The following HSD17B12 variants were observed in gnomAD, a reference collection of about 807,000 sequenced individuals.
The protein encoded by HSD17B12 is hydroxysteroid 17-beta dehydrogenase 12.
A neutral mutation model predicts 39.3 loss-of-function variants in HSD17B12; 32 were observed. The observed-to-expected ratio is 0.81, with a 90% CI of 0.61 to 1.09. The LOEUF (loss-of-function observed/expected upper bound fraction) is 1.09. Among genes scored for constraint, HSD17B12 ranks in the 50% least tolerant of loss-of-function variants. The probability of loss-of-function intolerance (pLI) is 0.00; values close to 1 mark genes in which losing one functional copy is unlikely to be tolerated. For missense variants in HSD17B12, 342 were observed against 382.9 expected (o/e 0.89, Z 0.89); for synonymous variants, 150 against 146.7 (o/e 1.02, Z -0.16).
intron 1 of HSD17B12, among the ~76,000 whole-genome samples, chr11:43,716,846 G>C (rs1950128341): frequency 6.6e-6 from 1 of 151,332 alleles, no homozygotes; most frequent in Non-Finnish European, 1.5e-5. Context: ...AGTTTCCCAG[G>C]TGAAGGAGGC....
chr11:43,668,885 G>C, the HSD17B12 span, among the ~76,000 whole-genome samples: 38 of 151,982 alleles, frequency 2.5e-4, no homozygotes, highest in Middle Eastern at 3.4e-3. Flanking sequence ...TAGAGATGGA[G>C]TCTAGCTATG....
intron 1 of HSD17B12, among the ~76,000 whole-genome samples, chr11:43,695,410 C>G (rs1949901783): frequency 6.6e-6 from 1 of 151,966 alleles, no homozygotes; most frequent in Non-Finnish European, 1.5e-5. Context: ...GAAAACCGGT[C>G]TCTACTAAAA....
chr11:43,632,823 C>T, the HSD17B12 span, among the ~76,000 whole-genome samples: 8 of 152,002 alleles, frequency 5.3e-5, no homozygotes, highest in South Asian at 2.1e-4. Context: ...GTCTTTTAGA[C>T]GAGATTTGTA....
chr11:43,841,116 C>T (rs1951421574), intron 9 of HSD17B12, among the ~76,000 whole-genome samples: 1 of 152,062 alleles, frequency 6.6e-6, no homozygotes, highest in Non-Finnish European at 1.5e-5. Context: ...ATTTGCTTTT[C>T]CCTGATGATT....
intron 1 of HSD17B12, among the ~76,000 whole-genome samples, chr11:43,715,935 C>T (rs1950118727): frequency 6.6e-6 from 1 of 152,110 alleles, no homozygotes; most frequent in Admixed American, 6.6e-5. Flanking sequence ...AATTATGACT[C>T]TGATGGTGCA....
chr11:43,595,603 T>G, the HSD17B12 span, among the ~76,000 whole-genome samples: 1 of 152,262 alleles, frequency 6.6e-6, no homozygotes, highest in African/African-American at 2.4e-5. Flanking sequence ...TCAAGTGATC[T>G]TCAGCTGTAA....
At chr11:43,704,309 C>A (rs577593933) in intron 1 of HSD17B12, among the ~76,000 whole-genome samples, 1 of 152,298 alleles carries the variant, frequency 6.6e-6, no homozygotes, top group African/African-American at 2.4e-5. Flanking sequence ...TCTGCAACCT[C>A]TCAGGGTAGT....
the HSD17B12 span, among the ~76,000 whole-genome samples, chr11:43,658,890 T>C: frequency 6.6e-6 from 1 of 152,198 alleles, no homozygotes; most frequent in African/African-American, 2.4e-5. Context: ...TCAAGCTGCG[T>C]GCTGGGAGAA....
intron 1 of HSD17B12, among the ~76,000 whole-genome samples, chr11:43,685,873 G>T (rs945109146): frequency 6.6e-6 from 1 of 152,136 alleles, no homozygotes; most frequent in Non-Finnish European, 1.5e-5. Context: ...CCAAAAAAAG[G>T]CACAGTTTCA....
At chr11:43,615,441 G>A in the HSD17B12 span, among the ~76,000 whole-genome samples, 1 of 152,058 alleles carries the variant, frequency 6.6e-6, no homozygotes, top group Admixed American at 6.6e-5. Flanking sequence ...CATATTTCTG[G>A]AACTCTCTCT....
chr11:43,684,865 C>T (rs183807168), intron 1 of HSD17B12, among the ~76,000 whole-genome samples: 1 of 152,204 alleles, frequency 6.6e-6, no homozygotes, highest in Non-Finnish European at 1.5e-5. Flanking sequence ...CCCTGACCCC[C>T]ACCCGCTCCA....
chr11:43,751,106 A>C (rs1276764004), intron 2 of HSD17B12, 149 bp downstream of exon 2: 1 of 517,428 alleles, frequency 1.9e-6, no homozygotes, highest in African/African-American at 2.0e-5. Flanking sequence ...ACCTTGTTGG[A>C]AATACCATAT....
At chr11:43,688,221 A>G (rs2134773356) in intron 1 of HSD17B12, among the ~76,000 whole-genome samples, 1 of 152,258 alleles carries the variant, frequency 6.6e-6, no homozygotes, top group East Asian at 1.9e-4. Context: ...CAAAAAAAAA[A>G]AAAATTTAAT....
chr11:43,693,453 T>C (rs574793790), intron 1 of HSD17B12, among the ~76,000 whole-genome samples: 37 of 152,280 alleles, frequency 2.4e-4, no homozygotes, highest in African/African-American at 8.4e-4. Context: ...CCCTTAAGGA[T>C]GCCATTATGC....
chr11:43,640,655 G>C, the HSD17B12 span, among the ~76,000 whole-genome samples: 2 of 151,792 alleles, frequency 1.3e-5, no homozygotes, highest in African/African-American at 4.8e-5. Flanking sequence ...AAATAGATAA[G>C]GCTAGTTAAT....
the HSD17B12 span, among the ~76,000 whole-genome samples, chr11:43,592,324 T>A: frequency 6.6e-6 from 1 of 152,290 alleles, no homozygotes; most frequent in African/African-American, 2.4e-5. Flanking sequence ...GGAAGGCCTA[T>A]AATAAATTAA....
At chr11:43,698,083 A>T (rs1052987232) in intron 1 of HSD17B12, among the ~76,000 whole-genome samples, 1 of 152,146 alleles carries the variant, frequency 6.6e-6, no homozygotes, top group Non-Finnish European at 1.5e-5. Context: ...AAACTGAGAC[A>T]GGGACTGGGA....
intron 2 of HSD17B12, among the ~76,000 whole-genome samples, chr11:43,751,993 C>A (rs867338953): frequency 6.6e-6 from 1 of 152,052 alleles, no homozygotes; most frequent in Non-Finnish European, 1.5e-5. Context: ...CTTTTTTAAT[C>A]GTTGTTTTTC....
chr11:43,640,941 T>A, the HSD17B12 span: 15 of 151,194 alleles, frequency 9.9e-5, no homozygotes, highest in East Asian at 1.9e-4. Context: ...GTTTTTTTTT[T>A]ATTTCTATAG....
Sources: allele counts gnomAD v4.1 joint callset (sites outside exome capture counted in the v4.1 genomes callset), GRCh38; gene constraint gnomAD v4.1.1; transcripts MANE v1.5; gene names NCBI Gene and HGNC (gene_info 2026-07-23, HGNC 2026-07-21).